Variants in HPSE2 observed in about 807,000 individuals in gnomAD.
HPSE2 encodes the protein inactive heparanase-2.
A neutral mutation model predicts 60.5 loss-of-function variants in HPSE2; 38 were observed. The ratio of observed to expected loss-of-function variants is 0.63; its 90% confidence interval spans 0.48 to 0.82. HPSE2 has a LOEUF of 0.82. Among genes scored for constraint, HPSE2 ranks in the 40% least tolerant of loss-of-function variants. The pLI is 0.00. For missense variants in HPSE2, 713 were observed against 740.4 expected, an observed-to-expected ratio of 0.96 and a Z score of 0.43; for synonymous variants, 295 against 293.2, an observed-to-expected ratio of 1.01 and a Z score of -0.06.
At chr10:98,875,488 A>T (rs1401338998) in intron 3 of HPSE2, among the ~76,000 whole-genome samples, 1 of 152,050 alleles carries the variant, frequency 6.6e-6, no homozygotes, top group African/African-American at 2.4e-5. Flanking sequence ...AAGAAGTCGA[A>T]TCCCTGAATA....
At position 98,889,020 on chromosome 10, in the gene HPSE2, A is replaced by T. The variant is rs1953253938; in HGVS notation, c.611-144964T>A. ...CACCTGGGCAAAATAGCAAGACCCC[A>T]ATCTATTAAAAAATTAGAAGTCTCA... On this transcript the variant is annotated intron_variant, in intron 3 of 11. Coordinates refer to ENST00000370552, the MANE Select transcript of HPSE2 (RefSeq NM_021828.5). Among the ~76,000 whole-genome samples, 3 of 152,164 alleles carry T rather than the reference A, an allele frequency of 2.0e-5. No homozygotes were observed. The South Asian group carries it at 6.2e-4, about 32-fold the overall frequency.
intron 9 of HPSE2, among the ~76,000 whole-genome samples, chr10:98,609,907 T>C (rs1277300138): frequency 6.7e-6 from 1 of 148,892 alleles, no homozygotes; most frequent in African/African-American, 2.5e-5. Flanking sequence ...AGTGGCACGA[T>C]CTCAGCTCAC....
chr10:98,996,858 A>G (rs1956651698), intron 3 of HPSE2, among the ~76,000 whole-genome samples: 3 of 152,264 alleles, frequency 2.0e-5, no homozygotes, highest in African/African-American at 7.2e-5. Context: ...GGTTGCTTAG[A>G]ATTGGGACTA....
intron 2 of HPSE2, among the ~76,000 whole-genome samples, chr10:99,169,905 C>T (rs1002746989): frequency 2.6e-5 from 4 of 152,124 alleles, no homozygotes; most frequent in African/African-American, 9.7e-5. Flanking sequence ...GGCTGCAACT[C>T]TCTATGGGAA....
chr10:98,743,781 TG>T, intron 4 of HPSE2, 101 bp downstream of exon 4: 1 of 1,085,610 alleles, frequency 9.2e-7, no homozygotes, highest in Non-Finnish European at 1.4e-6. Flanking sequence ...AAACGTTTTC[TG>T]GGCCAGGGTA....
chr10:98,667,114 G>T (rs1053387705), intron 6 of HPSE2, among the ~76,000 whole-genome samples: 2 of 151,758 alleles, frequency 1.3e-5, no homozygotes, highest in African/African-American at 4.8e-5. Context: ...AAATAGAATA[G>T]AATAGAAAAG....
At chr10:99,207,308 G>A (rs1848784005) in intron 2 of HPSE2, among the ~76,000 whole-genome samples, 1 of 152,128 alleles carries the variant, frequency 6.6e-6, no homozygotes, top group African/African-American at 2.4e-5. Flanking sequence ...CAGCAAAGCT[G>A]CCTTTCCAAA....
intron 3 of HPSE2, among the ~76,000 whole-genome samples, chr10:98,909,691 C>T (rs1953928025): frequency 6.7e-6 from 1 of 150,358 alleles, no homozygotes; most frequent in African/African-American, 2.4e-5. Context: ...TGACTTTTAA[C>T]TCAGTAATTT....
At chr10:99,116,366 T>C (rs1273749623) in intron 3 of HPSE2, among the ~76,000 whole-genome samples, 1 of 152,192 alleles carries the variant, frequency 6.6e-6, no homozygotes, top group Non-Finnish European at 1.5e-5. Flanking sequence ...TTTCTTGGCA[T>C]TTATATTTTT....
intron 7 of HPSE2, among the ~76,000 whole-genome samples, chr10:98,635,182 G>A (rs968387335): frequency 6.6e-6 from 1 of 152,150 alleles, no homozygotes; most frequent in South Asian, 2.1e-4. Flanking sequence ...AGGAAGGGAA[G>A]AAAGAAGGAA....
chr10:99,086,236 A>G (rs1843311044), intron 3 of HPSE2, among the ~76,000 whole-genome samples: 1 of 152,212 alleles, frequency 6.6e-6, no homozygotes, highest in South Asian at 2.1e-4. Context: ...AACTAACATA[A>G]AAGAGTTACA....
intron 3 of HPSE2, among the ~76,000 whole-genome samples, chr10:99,131,145 A>G (rs1458715232): frequency 6.6e-6 from 1 of 152,256 alleles, no homozygotes; most frequent in Non-Finnish European, 1.5e-5. Context: ...GCATCCCTTT[A>G]TGATTAAAAC....
intron 6 of HPSE2, among the ~76,000 whole-genome samples, chr10:98,689,647 G>A (rs1202318512): frequency 6.6e-6 from 1 of 151,902 alleles, no homozygotes; most frequent in Non-Finnish European, 1.5e-5. Context: ...CTGTTTCTTT[G>A]CATGTCTGGT....
In HPSE2 at chr10:98,481,793, C is replaced by T. The variant is rs1213420896; in HGVS notation, c.1613+843G>A. Among the ~76,000 whole-genome samples the T allele has an allele frequency of 4.6e-5, 7 of 152,166 alleles. No homozygotes were observed. In the South Asian group the frequency reaches 1.0e-3, roughly 23 times the overall value. ...GCTCCAAGTTTACAGCTTTGTTAAA[C>T]TTGGTAAACATTAAAAATGGAATAG... On this transcript the variant is annotated intron_variant, in intron 11 of 11. Transcript: ENST00000370552.
chr10:99,025,828 A>T (rs2135437520), intron 3 of HPSE2, among the ~76,000 whole-genome samples: 1 of 152,222 alleles, frequency 6.6e-6, no homozygotes, highest in Admixed American at 6.5e-5. Flanking sequence ...CCCTTGTGAC[A>T]TGTATTTACC....
At chr10:98,975,882 T>C (rs1373293494) in intron 3 of HPSE2, among the ~76,000 whole-genome samples, 2 of 152,164 alleles carry the variant, frequency 1.3e-5, no homozygotes, top group African/African-American at 4.8e-5. Context: ...TCTTGATATC[T>C]GGAAAGAATC....
chr10:98,930,227 C>T (rs1173968823), intron 3 of HPSE2, among the ~76,000 whole-genome samples: 2 of 143,962 alleles, frequency 1.4e-5, no homozygotes, highest in Non-Finnish European at 3.0e-5. Flanking sequence ...TAAGTGAGAA[C>T]ATGCAGTGTT....
intron 2 of HPSE2, among the ~76,000 whole-genome samples, chr10:99,175,121 G>T (rs1178987381): frequency 2.0e-5 from 3 of 152,190 alleles, no homozygotes; most frequent in Non-Finnish European, 4.4e-5. Context: ...ACAACCCACA[G>T]ACCAGGAGGT....
At chr10:99,133,590 G>A (rs546893744) in intron 3 of HPSE2, among the ~76,000 whole-genome samples, 11 of 152,270 alleles carry the variant, frequency 7.2e-5, no homozygotes, top group African/African-American at 2.6e-4. Flanking sequence ...GTGATACCCA[G>A]GCAAACACAG....
Sources: allele counts gnomAD v4.1 joint callset (sites outside exome capture counted in the v4.1 genomes callset), GRCh38; gene constraint gnomAD v4.1.1; transcripts MANE v1.5; gene names NCBI Gene and HGNC (gene_info 2026-07-23, HGNC 2026-07-21).